The following SH3RF1 variants were observed in gnomAD, a reference collection of about 807,000 sequenced individuals.
The protein encoded by SH3RF1 is SH3 domain containing ring finger 1.
A neutral mutation model predicts 74.0 loss-of-function variants in SH3RF1; 32 were observed. The ratio of observed to expected loss-of-function variants is 0.43; its 90% confidence interval spans 0.33 to 0.58. The LOEUF is 0.58. Ranked by LOEUF, SH3RF1 falls within the 20% of genes least tolerant of loss-of-function variation. SH3RF1 has a pLI of 0.05. For missense variants in SH3RF1, 954 were observed against 1,130.9 expected, an observed-to-expected ratio of 0.84 and a Z score of 2.24; for synonymous variants, 396 against 439.6, an observed-to-expected ratio of 0.90 and a Z score of 1.24.
chr4:169,263,534 C>T (rs1442159470), intron 2 of SH3RF1, among the ~76,000 whole-genome samples: 1 of 152,194 alleles, frequency 6.6e-6, no homozygotes, highest in Non-Finnish European at 1.5e-5. Context: ...CTTTCCACAC[C>T]AAACCTGGAG....
chr4:169,218,295 TAATATA>T (rs1730498514), intron 2 of SH3RF1, among the ~76,000 whole-genome samples: 7 of 124,926 alleles, frequency 5.6e-5, no homozygotes, highest in South Asian at 2.6e-4. Flanking sequence ...ATATAATATA[TAATATA>T]AATATAGAAT....
intron 2 of SH3RF1, among the ~76,000 whole-genome samples, chr4:169,260,418 A>C (rs780681942): frequency 1.3e-5 from 2 of 152,174 alleles, no homozygotes; most frequent in African/African-American, 4.8e-5. Flanking sequence ...AACAGACCAC[A>C]GTTGCAGGCC....
At chr4:169,097,463 G>A (rs1328357347) in intron 11 of SH3RF1, among the ~76,000 whole-genome samples, 3 of 152,122 alleles carry the variant, frequency 2.0e-5, no homozygotes, top group Non-Finnish European at 2.9e-5. Flanking sequence ...TGTCATTATC[G>A]CTTAAAAATG....
chr4:169,193,451 A>G (rs577191566), intron 2 of SH3RF1, among the ~76,000 whole-genome samples: 2 of 152,154 alleles, frequency 1.3e-5, no homozygotes, highest in South Asian at 2.1e-4. Flanking sequence ...GGGGATATTT[A>G]TTCTTTTAAA....
intron 2 of SH3RF1, among the ~76,000 whole-genome samples, chr4:169,253,196 C>A (rs543755489): frequency 6.6e-6 from 1 of 152,324 alleles, no homozygotes; most frequent in South Asian, 2.1e-4. Flanking sequence ...GAAACCACAG[C>A]GTGGCACATT....
At chr4:169,184,290 G>A (rs1358613443) in intron 2 of SH3RF1, among the ~76,000 whole-genome samples, 3 of 152,306 alleles carry the variant, frequency 2.0e-5, no homozygotes, top group Middle Eastern at 6.8e-3. Flanking sequence ...TAAATTTTAA[G>A]GTGTTTTTAG....
intron 8 of SH3RF1, among the ~76,000 whole-genome samples, chr4:169,118,614 C>T (rs1579090789): frequency 2.0e-5 from 3 of 152,160 alleles, no homozygotes; most frequent in Admixed American, 2.0e-4. Flanking sequence ...CGCCACCATG[C>T]CCGGCTACTT....
intron 9 of SH3RF1, 104 bp downstream of exon 9, chr4:169,117,419 T>C (rs1561027921): frequency 6.6e-7 from 1 of 1,511,416 alleles, no homozygotes; most frequent in Non-Finnish European, 9.0e-7. Context: ...ATGTTGTTCA[T>C]TATTAAAATT....
chr4:169,250,783 G>C (rs1243397669), intron 2 of SH3RF1, among the ~76,000 whole-genome samples: 1 of 152,036 alleles, frequency 6.6e-6, no homozygotes, highest in Non-Finnish European at 1.5e-5. Flanking sequence ...TGCAAGGCTA[G>C]AAGATTGGCA....
At chr4:169,177,183 A>T (rs1734434512) in intron 2 of SH3RF1, among the ~76,000 whole-genome samples, 1 of 152,186 alleles carries the variant, frequency 6.6e-6, no homozygotes, top group South Asian at 2.1e-4. Context: ...CAAAGCAAAT[A>T]AGGGATGGTA....
intron 6 of SH3RF1, 121 bp downstream of exon 6, chr4:169,129,924 AT>A: frequency 1.3e-6 from 1 of 753,258 alleles, no homozygotes; most frequent in Non-Finnish European, 2.2e-6. Flanking sequence ...TAGATGAAAG[AT>A]AGATACCCAC....
rs1335832442 is a variant in SH3RF1 at position 169,136,401 on chromosome 4, G to T, written c.985C>A (p.Pro329Thr). The change falls in exon 5 of 12, where the codon CCT becomes ACT. Residue 329 changes from proline to threonine, a missense_variant. By Grantham distance (38) the Pro-to-Thr change is conservative (BLOSUM62 -1). Around this residue, in one of 3 missense-constraint regions of SH3RF1, gnomAD observed 854 missense variants for 962.5 expected, o/e 0.89. Transcript: ENST00000284637. ...GGGTTGCTGGAGCTGATGAGGACAG[G>T]GGGGCTGATCTCCATGGAGTGGCGG... ...QNRHSMEISPPVLISSSNPTA... is the reference protein window; with the variant it reads ...QNRHSMEISPTVLISSSNPTA... 2 of 1,605,120 alleles carry T rather than the reference G, an allele frequency of 1.2e-6. No individual in the cohort carries two copies. The highest frequency in any genetic ancestry group is 1.7e-6 in the Non-Finnish European group (2 of 1,175,806).
intron 2 of SH3RF1, among the ~76,000 whole-genome samples, chr4:169,173,447 A>G (rs114054468): frequency 0.011 from 1,601 of 152,158 alleles, 36 homozygotes; most frequent in African/African-American, 0.037. Flanking sequence ...AAAAAAAAAA[A>G]GTAGCAAAAG....
At position 169,106,206 on chromosome 4, in the gene SH3RF1, G is replaced by A. The variant is rs145287011; in HGVS notation, c.2498+641C>T. On this transcript the variant is annotated intron_variant, in intron 11 of 11. Coordinates refer to ENST00000284637, the MANE Select transcript of SH3RF1 (RefSeq NM_020870.4). ...CCACTCACTGCAACCTCTGCCTCCT[G>A]GGTTCAAGCGATTCTCCTGCCTCAG... Among the ~76,000 whole-genome samples the A allele has an allele frequency of 2.8e-3, 422 of 151,966 alleles. 11 individuals are homozygous for A. In the East Asian group the frequency reaches 0.048, roughly 17 times the overall value.
At chr4:169,253,330 TGAGA>T (rs1215487347) in intron 2 of SH3RF1, among the ~76,000 whole-genome samples, 3 of 152,240 alleles carry the variant, frequency 2.0e-5, no homozygotes, top group Non-Finnish European at 4.4e-5. Context: ...CTTAGTCTCC[TGAGA>T]GAAGTAATAA....
At chr4:169,184,364 C>T (rs755673103) in intron 2 of SH3RF1, among the ~76,000 whole-genome samples, 1 of 152,206 alleles carries the variant, frequency 6.6e-6, no homozygotes, top group Non-Finnish European at 1.5e-5. Context: ...AGCTTCCACA[C>T]TTGAAGATTC....
chr4:169,122,271 T>A lies in SH3RF1; in HGVS notation c.1180-5A>T. The A allele has an allele frequency of 6.4e-7, 1 of 1,573,998 alleles. No homozygotes were observed. The highest frequency in any genetic ancestry group is 8.6e-7 in the Non-Finnish European group (1 of 1,157,812). On this transcript the variant is annotated splice_polypyrimidine_tract_variant and splice_region_variant and intron_variant, in intron 6 of 11. Coordinates refer to ENST00000284637, the MANE Select transcript of SH3RF1 (RefSeq NM_020870.4). ...TGGAAGAGGAGGATTCAAAGTCTAGTATAGGAAAAACATAAAGAGAAAGGG... is the reference window on the plus strand; with the variant it reads ...TGGAAGAGGAGGATTCAAAGTCTAGAATAGGAAAAACATAAAGAGAAAGGG...
At chr4:169,199,033 G>A (rs1734866773) in intron 2 of SH3RF1, among the ~76,000 whole-genome samples, 1 of 152,112 alleles carries the variant, frequency 6.6e-6, no homozygotes, top group South Asian at 2.1e-4. Flanking sequence ...GTTGTAAGAA[G>A]GAAAAGGAAG....
intron 6 of SH3RF1, among the ~76,000 whole-genome samples, chr4:169,123,238 TTC>T (rs145336773): frequency 0.046 from 6,985 of 152,264 alleles, 534 homozygotes; most frequent in African/African-American, 0.16. Flanking sequence ...GTCATCTTAT[TTC>T]TGTTTTTTGG....
Sources: gnomAD v4.1 joint callset for allele counts (sites outside exome capture counted in the v4.1 genomes callset) on GRCh38, gnomAD v4.1.1 for gene constraint, gnomAD v4.1.1 regional missense constraint, MANE v1.5 for transcripts, NCBI Gene and HGNC (gene_info 2026-07-23, HGNC 2026-07-21) for gene names.